ANO1: variants seen among roughly 807,000 people sequenced by gnomAD.
ANO1 encodes anoctamin 1.
ANO1 carries 59 observed loss-of-function variants against 124.0 expected under a neutral mutation model. That is an observed-to-expected ratio of 0.48 (90% CI 0.39 to 0.59). The LOEUF (loss-of-function observed/expected upper bound fraction) is 0.59, where lower values mean the gene tolerates loss of function less well. ANO1 is among the 20% of genes least tolerant of loss of function. The pLI is 0.00. For synonymous variants in ANO1, 529 were observed against 532.0 expected (o/e 0.99, Z 0.08); for missense variants, 1,059 against 1,328.0 (o/e 0.80, Z 3.15).
In ANO1 at chr11:70,136,139, GT is replaced by G. The variant is rs534763125; in HGVS notation, c.1258+4062del. Among the ~76,000 whole-genome samples the G allele has an allele frequency of 4.6e-5, 7 of 152,370 alleles. No homozygotes were observed. The South Asian group carries it at 1.4e-3, about 32-fold the overall frequency. Reference sequence around the variant, plus strand: ...CCCTCAAGGGTCTGGTCCCTCATGCGTTGGGCTGGCTAGCAGCCCTGTGGCC... The same window carrying G: ...CCCTCAAGGGTCTGGTCCCTCATGCGTGGGCTGGCTAGCAGCCCTGTGGCC... On this transcript the variant is annotated intron_variant, in intron 11 of 25. Coordinates refer to ENST00000355303, the MANE Select transcript of ANO1 (RefSeq NM_018043.7).
At chr11:69,967,160 C>T in the ANO1 span, among the ~76,000 whole-genome samples, 1 of 21,724 alleles carries the variant, frequency 4.6e-5, no homozygotes, top group Non-Finnish European at 1.8e-4. Flanking sequence ...CTGTATCGCA[C>T]GTTAGCTAGC....
intron 1 of ANO1, among the ~76,000 whole-genome samples, chr11:70,070,581 C>G (rs1565173697): frequency 6.6e-6 from 1 of 152,168 alleles, no homozygotes; most frequent in Non-Finnish European, 1.5e-5. Context: ...AAGGCTGAGA[C>G]AGGAGAATTT....
intron 19 of ANO1, 54 bp downstream of exon 19, chr11:70,163,394 G>C (rs2048131141): frequency 3.8e-6 from 6 of 1,591,858 alleles, no homozygotes; most frequent in Non-Finnish European, 5.2e-6. Context: ...CTTACGATTT[G>C]TCTACACCAT....
chr11:69,990,257 G>A (rs1464143474), intron 1 of ANO1, among the ~76,000 whole-genome samples: 2 of 151,864 alleles, frequency 1.3e-5, no homozygotes, highest in African/African-American at 4.8e-5. Flanking sequence ...CAAAATATTT[G>A]TCCTTTTGTG....
chr11:70,104,285 G>A, intron 4 of ANO1, 135 bp downstream of exon 4: 1 of 1,019,908 alleles, frequency 9.8e-7, no homozygotes, highest in Non-Finnish European at 1.4e-6. Flanking sequence ...TGGTTGCTGA[G>A]CCCAGAAGAG....
intron 11 of ANO1, among the ~76,000 whole-genome samples, chr11:70,145,797 C>T (rs543806553): frequency 7.2e-4 from 109 of 152,058 alleles, no homozygotes; most frequent in East Asian, 9.7e-4. Flanking sequence ...ATTAGCCGGG[C>T]GTGGTGGCAT....
intron 1 of ANO1, among the ~76,000 whole-genome samples, chr11:70,034,207 C>T (rs1345842530): frequency 6.6e-6 from 1 of 152,230 alleles, no homozygotes; most frequent in South Asian, 2.1e-4. Context: ...TCAGCCGATA[C>T]CTAGCCTAGA....
chr11:70,025,346 C>G lies in ANO1; in HGVS notation c.58+39180C>G, dbSNP rs115519701. ...AACTGGTGTCTGCTGCAATCATGAT[C>G]ATGATAATGATGGTGGTGGTGGTGA... On this transcript the variant is annotated intron_variant, in intron 1 of 27. Coordinates refer to the ANO1 transcript ENST00000531349. Among the ~76,000 whole-genome samples, 1,016 of 152,292 alleles carry G rather than the reference C, an allele frequency of 6.7e-3. 16 individuals carry two copies. The highest frequency in any genetic ancestry group is 0.023 in the African/African-American group (937 of 41,554).
chr11:70,050,075 T>A (rs1429038064), intron 1 of ANO1, among the ~76,000 whole-genome samples: 1 of 152,198 alleles, frequency 6.6e-6, no homozygotes, highest in Non-Finnish European at 1.5e-5. Flanking sequence ...GGAATGACTC[T>A]TCCATCCCTG....
chr11:70,029,347 C>T (rs1173912939), intron 1 of ANO1, among the ~76,000 whole-genome samples: 1 of 152,208 alleles, frequency 6.6e-6, no homozygotes, highest in Non-Finnish European at 1.5e-5. Context: ...AGTTGCCCTG[C>T]CCAGGGGAGA....
At chr11:70,072,454 A>C (rs983644676) in intron 1 of ANO1, 27 of 152,240 alleles carry the variant, frequency 1.8e-4, no homozygotes, top group African/African-American at 6.0e-4. Context: ...AAATTCTGGA[A>C]CATCTTTTAT....
chr11:70,045,302 T>C (rs1485819132), intron 1 of ANO1, among the ~76,000 whole-genome samples: 1 of 152,226 alleles, frequency 6.6e-6, no homozygotes, highest in Admixed American at 6.5e-5. Context: ...TATTTCCTTT[T>C]TCATTGGTAG....
intron 1 of ANO1, among the ~76,000 whole-genome samples, chr11:70,037,362 A>G (rs1555004513): frequency 6.6e-6 from 1 of 152,070 alleles, no homozygotes; most frequent in African/African-American, 2.4e-5. Context: ...GTTAATGTAT[A>G]GGGGTGGTTG....
chr11:70,184,871 C>T (rs777500759), intron 24 of ANO1, among the ~76,000 whole-genome samples: 3 of 152,026 alleles, frequency 2.0e-5, no homozygotes, highest in African/African-American at 4.8e-5. Context: ...CTCAGCCTCC[C>T]GAGTAGCTGG....
intron 11 of ANO1, among the ~76,000 whole-genome samples, chr11:70,148,158 G>A (rs1263315158): frequency 6.6e-6 from 1 of 152,058 alleles, no homozygotes; most frequent in African/African-American, 2.4e-5. Context: ...TTCAGTTAAG[G>A]GCCACATTTG....
At chr11:70,024,250 C>T (rs981647798) in intron 1 of ANO1, among the ~76,000 whole-genome samples, 1 of 152,170 alleles carries the variant, frequency 6.6e-6, no homozygotes, top group Non-Finnish European at 1.5e-5. Flanking sequence ...CTAAATGAGT[C>T]GCAATGGCCT....
chr11:70,003,861 A>G (rs1331533581), intron 1 of ANO1, among the ~76,000 whole-genome samples: 3 of 152,150 alleles, frequency 2.0e-5, no homozygotes, highest in Admixed American at 6.5e-5. Flanking sequence ...CTACCTGTGG[A>G]CACCCCACAG....
intron 10 of ANO1, among the ~76,000 whole-genome samples, chr11:70,130,273 A>G (rs2046697656): frequency 6.6e-6 from 1 of 152,168 alleles, no homozygotes; most frequent in Non-Finnish European, 1.5e-5. Flanking sequence ...CAGAACGAAA[A>G]ACTGAATCTG....
chr11:70,005,236 C>T (rs1856465553), intron 1 of ANO1, among the ~76,000 whole-genome samples: 1 of 152,136 alleles, frequency 6.6e-6, no homozygotes, highest in Non-Finnish European at 1.5e-5. Context: ...TTCTCATTTA[C>T]TCCACCCAAA....
Sources: allele counts gnomAD v4.1 joint callset (sites outside exome capture counted in the v4.1 genomes callset), GRCh38; gene constraint gnomAD v4.1.1; transcripts MANE v1.5; gene names NCBI Gene and HGNC (gene_info 2026-07-23, HGNC 2026-07-21).